PI16: variants seen among roughly 807,000 people sequenced by gnomAD.
PI16 encodes the protein peptidase inhibitor 16, also known as PSP94-binding protein.
PI16 carries 35 observed loss-of-function variants against 38.0 expected under a neutral mutation model. The observed-to-expected ratio is 0.92, with a 90% CI of 0.70 to 1.22. PI16 has a LOEUF of 1.22. PI16 is among the 50% of genes most tolerant of loss of function. The pLI is 0.00. For synonymous variants in PI16, 275 were observed against 252.9 expected (o/e 1.09, Z -0.83); for missense variants, 572 against 593.8 (o/e 0.96, Z 0.38).
chr6:36,954,778 T>C lies in PI16; in HGVS notation c.18T>C (p.Ser6=), dbSNP rs116584983. 3.7e-4 allele frequency: 591 copies of C among 1,613,144 alleles called. 2 individuals carry two copies. In the African/African-American group the frequency reaches 6.0e-3, roughly 16 times the overall value. The part of the protein sequence containing the change: MHGSC[S]FLMLLLPLLL... The stretch of plus-strand genomic sequence containing the variant: ...TGGCCACCATGCACGGCTCCTGCAG[T>C]TTCCTGATGCTTCTGCTGCCGCTAC... The change falls in exon 1 of 7, where the codon AGT becomes AGC. Residue 6 remains serine, a synonymous_variant. Coordinates refer to ENST00000373674, the MANE Select transcript of PI16 (RefSeq NM_153370.3).
chr6:36,954,527 T>TGCTC, upstream of PI16: 1 of 542,896 alleles, frequency 1.8e-6, no homozygotes, highest in South Asian at 2.7e-5. Flanking sequence ...GCTTTTGGCC[T>TGCTC]GAGCCCCCGT....
chr6:36,952,278 G>A (rs539635212), upstream of PI16, among the ~76,000 whole-genome samples: 1 of 152,142 alleles, frequency 6.6e-6, no homozygotes, highest in Non-Finnish European at 1.5e-5. Context: ...ACAGGCATGA[G>A]CCACTACACT....
At chr6:36,961,813 T>G in intron 3 of PI16, 73 bp from the exon 4 acceptor site, 2 of 1,238,792 alleles carry the variant, frequency 1.6e-6, no homozygotes, top group Non-Finnish European at 2.4e-6. Context: ...AGAGTAGGTG[T>G]GTGTATAGGA....
intron 1 of PI16, among the ~76,000 whole-genome samples, chr6:36,958,365 G>A (rs1277483688): frequency 5.3e-5 from 8 of 152,182 alleles, no homozygotes; most frequent in Admixed American, 5.2e-4. Flanking sequence ...CTCTCAGCCA[G>A]GGACACAATC....
Position 36,959,292 on chromosome 6 carries a change from C to T in PI16, c.319C>T (p.His107Tyr), listed in dbSNP as rs371988599. Reference sequence around the variant, plus strand: ...CGTGCCGCTGGCCATGGAGGAGTGGCACCACGAGCGTGAGCACTACAACCT... The same window carrying T: ...CGTGCCGCTGGCCATGGAGGAGTGGTACCACGAGCGTGAGCACTACAACCT... The part of the protein sequence containing the change: ...MDVPLAMEEW[H>Y]HEREHYNLSA... Residue 107 changes from histidine (H) to tyrosine (Y), a missense_variant, in exon 2 of 7, where the codon CAC becomes TAC. His to Tyr is a moderately conservative substitution (Grantham distance 83). Coordinates refer to ENST00000373674, the MANE Select transcript of PI16 (RefSeq NM_153370.3). The T allele has an allele frequency of 1.8e-5, 29 of 1,594,020 alleles. No individual in the cohort carries two copies. The highest frequency in any genetic ancestry group is 1.5e-5 in the Non-Finnish European group (17 of 1,170,942).
At chr6:36,959,884 AAT>A (rs1348054344) in intron 2 of PI16, among the ~76,000 whole-genome samples, 23 of 139,272 alleles carry the variant, frequency 1.7e-4, no homozygotes, top group South Asian at 1.1e-3. Context: ...AAAAAAAAAA[AAT>A]TAAATAAATA....
chr6:36,950,879 G>C (rs976020152), upstream of PI16, among the ~76,000 whole-genome samples: 1 of 152,154 alleles, frequency 6.6e-6, no homozygotes, highest in African/African-American at 2.4e-5. The surrounding 1 kb of genome is among the most constrained non-coding windows in gnomAD (Gnocchi z 4.2). Context: ...TATATACCCA[G>C]AAGTGAAATT....
upstream of PI16, among the ~76,000 whole-genome samples, chr6:36,952,417 T>C (rs1470802864): frequency 6.6e-6 from 1 of 152,240 alleles, no homozygotes. Flanking sequence ...TATTTTCTTC[T>C]AAGAGTTTTG....
upstream of PI16, among the ~76,000 whole-genome samples, chr6:36,950,096 G>T (rs1763074755): frequency 6.6e-6 from 1 of 152,074 alleles, no homozygotes; most frequent in Non-Finnish European, 1.5e-5. The surrounding 1 kb of genome is among the most constrained non-coding windows in gnomAD (Gnocchi z 4.2). Flanking sequence ...CATTAAGTAT[G>T]GACTTTCACA....
rs1561899625 is a variant in PI16, at chr6:36,964,548, A to C, written c.*181A>C. On this transcript the variant is annotated 3_prime_UTR_variant, in exon 7 of 7. Coordinates refer to ENST00000373674, the MANE Select transcript of PI16 (RefSeq NM_153370.3). ...ACAAGGCCTGGCTGGCTGCGAGCTC[A>C]GGAGGCCGCCTGAGGACTGCACACC... 6.5e-6 allele frequency: 1 copy of C among 152,764 alleles called. No individual in the cohort carries two copies. Among genetic ancestry groups the C allele is most frequent in the Non-Finnish European group, 1.5e-5 (1 of 68,250 alleles). 9.5% of individuals were successfully genotyped at this position (152,764 alleles called of 1,614,324 possible). A position where few individuals can be genotyped will look rare whatever the true frequency, so the allele number is the denominator to read the frequency against.
chr6:36,961,189 G>A (rs1763355977), intron 2 of PI16, among the ~76,000 whole-genome samples: 1 of 152,226 alleles, frequency 6.6e-6, no homozygotes, highest in African/African-American at 2.4e-5. Context: ...TCCTGGAGCT[G>A]AGGGAAGGTT....
rs750233955 is a variant in PI16 at position 36,963,284 on chromosome 6, T to C, written c.942T>C (p.Pro314=). The C allele has an allele frequency of 2.5e-6, 4 of 1,614,228 alleles. No homozygotes were observed. The highest frequency in any genetic ancestry group is 3.4e-6 in the Non-Finnish European group (4 of 1,180,020). ...CCTTCCCCAAATCGACCCATGTTCC[T>C]ATCCCAAAATCAGCAGACAAAGTGA... is the stretch of plus-strand genomic sequence containing the variant. The part of the protein sequence containing the change: ...PVTFPKSTHV[P]IPKSADKVTD... Residue 314 remains proline, a synonymous_variant, in exon 5 of 7, where the codon CCT becomes CCC. Coordinates refer to ENST00000373674, the MANE Select transcript of PI16 (RefSeq NM_153370.3).
chr6:36,950,731 CA>C (rs1440633514), upstream of PI16, among the ~76,000 whole-genome samples: 1 of 152,096 alleles, frequency 6.6e-6, no homozygotes, highest in Non-Finnish European at 1.5e-5. This position sits in a 1 kb window ranked among gnomAD's most constrained non-coding sequence, Gnocchi z 4.2. Flanking sequence ...TTGGCAAAGA[CA>C]GGGTTTCTCC....
chr6:36,961,403 C>T (rs759149276), intron 2 of PI16, 48 bp from the exon 3 acceptor site: 1 of 1,536,462 alleles, frequency 6.5e-7, no homozygotes, highest in South Asian at 1.1e-5. Context: ...CAGGAAGGCA[C>T]CATGCCACCT....
At chr6:36,956,740 T>C (rs10947652) in intron 1 of PI16, among the ~76,000 whole-genome samples, 58,383 of 152,030 alleles carry the variant, frequency 0.38, 11,623 homozygotes, top group African/African-American at 0.45. Flanking sequence ...GCTACAGTGG[T>C]TGTAGGGTTA....
chr6:36,959,879 A>AT lies in PI16; in HGVS notation c.393+513_393+514insT, dbSNP rs1175951332. Among the ~76,000 whole-genome samples, 183 of 151,402 alleles carry AT rather than the reference A, an allele frequency of 1.2e-3. 1 individual carries two copies. Among genetic ancestry groups the AT allele is most frequent in the African/African-American group, 4.1e-3 (170 of 41,256 alleles). ...GGAGGCCCTGTCTCAAAAAAAAAAA[A>AT]AAAAAATTAAATAAATAAATAAATA... is the stretch of plus-strand genomic sequence containing the variant. On this transcript the variant is annotated intron_variant, in intron 2 of 6. Transcript: ENST00000373674.
chr6:36,960,958 G>A (rs1477804360), intron 2 of PI16, among the ~76,000 whole-genome samples: 1 of 152,126 alleles, frequency 6.6e-6, no homozygotes, highest in East Asian at 1.9e-4. Flanking sequence ...GACCCACACT[G>A]AGAAACAACC....
intron 2 of PI16, among the ~76,000 whole-genome samples, chr6:36,961,004 T>C (rs1456123052): frequency 3.3e-5 from 5 of 152,176 alleles, no homozygotes; most frequent in African/African-American, 4.8e-5. Context: ...TTGGGGGAAG[T>C]TCCACTTCCA....
upstream of PI16, among the ~76,000 whole-genome samples, chr6:36,952,618 A>G (rs946320253): frequency 2.6e-5 from 4 of 152,226 alleles, no homozygotes; most frequent in Non-Finnish European, 5.9e-5. Context: ...CCATATGTGT[A>G]AGAGTTTATT....
Sources: allele counts gnomAD v4.1 joint callset (sites outside exome capture counted in the v4.1 genomes callset), GRCh38; gene constraint gnomAD v4.1.1; non-coding constraint Gnocchi (gnomAD v3.1); transcripts MANE v1.5; gene names NCBI Gene and HGNC (gene_info 2026-07-23, HGNC 2026-07-21).